The following HELZ2 variants were observed in gnomAD, a reference collection of about 807,000 sequenced individuals.
The protein encoded by HELZ2 is helicase with zinc finger 2, also known as 3'-5' exoribonuclease HELZ2.
A neutral mutation model predicts 208.8 loss-of-function variants in HELZ2; 143 were observed. That is an observed-to-expected ratio of 0.68 (90% CI 0.60 to 0.79). The LOEUF is 0.79. HELZ2 is among the 30% of genes least tolerant of loss of function. The pLI, the probability that HELZ2 is intolerant of heterozygous loss-of-function variation, is 0.00. For missense variants in HELZ2, 3,690 were observed against 3,794.5 expected (o/e 0.97, Z 0.72); for synonymous variants, 1,705 against 1,693.7 (o/e 1.01, Z -0.16).
At chr20:63,566,159 GCCAGTGCCCCAGGGCTGAGCAGGC>G in exon 8 of HELZ2, 1 of 1,553,964 alleles carries the variant, frequency 6.4e-7, no homozygotes, top group Non-Finnish European at 8.7e-7. Context: ...GAACTCAGGG[GCCAGTGCCCCAGGGCTGAGCAGGC>G]TCTGGCAGGT....
chr20:63,559,940 G>A (rs149494765), exon 18 of HELZ2: 13 of 1,610,426 alleles, frequency 8.1e-6, no homozygotes, highest in African/African-American at 5.3e-5. Flanking sequence ...ATCAGGCAGA[G>A]CCCCTCCTGG....
At chr20:63,560,414 ACACT>A (rs1010672259) in intron 16 of HELZ2, 61 bp downstream of exon 17, 1 of 1,593,882 alleles carries the variant, frequency 6.3e-7, no homozygotes, top group African/African-American at 1.3e-5. Flanking sequence ...CAAGCACCAG[ACACT>A]CACCACCTCA....
chr20:63,560,375 C>T, intron 16 of HELZ2, 48 bp from the exon 18 acceptor site: 1 of 1,489,758 alleles, frequency 6.7e-7, no homozygotes, highest in Non-Finnish European at 8.8e-7. Flanking sequence ...GTCTCTCCTG[C>T]CCTCCTCCAG....
chr20:63,569,381 G>C, exon 4 of HELZ2: 1 of 1,608,714 alleles, frequency 6.2e-7, no homozygotes, highest in South Asian at 1.1e-5. Flanking sequence ...CAGGGTGGCC[G>C]AGCGCCAGAT....
exon 8 of HELZ2, chr20:63,564,178 C>A: frequency 6.2e-7 from 1 of 1,611,582 alleles, no homozygotes; most frequent in Non-Finnish European, 8.5e-7. Context: ...GAGGCGTGAC[C>A]GTCCGCGTGC....
intron 5 of HELZ2, 184 bp from the exon 7 acceptor site, chr20:63,567,811 T>C: frequency 7.3e-7 from 1 of 1,369,760 alleles, no homozygotes; most frequent in South Asian, 1.5e-5. Context: ...CACGGAGGGC[T>C]TCAGGCAACA....
In HELZ2 at chr20:63,570,940, C is replaced by T. The variant is rs145119112; in HGVS notation, c.279-72G>A. The T allele has an allele frequency of 2.6e-3, 3,300 of 1,288,474 alleles. 75 individuals carry two copies. In the African/African-American group the frequency reaches 0.042, roughly 16 times the overall value. The allele number at this position is 1,288,474 out of a possible 1,614,324, so 79.8% of individuals were successfully genotyped here. ...GTGCTGAGTTCAAAGGCCGGGACCC[C>T]TCAGCCCAATACTGGCCTCTGTAGG... On this transcript the variant is annotated intron_variant, in intron 1 of 18. Transcript: ENST00000467148.
chr20:63,570,884 G>A lies in HELZ2; in HGVS notation c.279-16C>T, dbSNP rs751900666. The A allele has an allele frequency of 1.3e-6, 2 of 1,571,774 alleles. No homozygotes were observed. Among genetic ancestry groups the A allele is most frequent in the Non-Finnish European group, 1.7e-6 (2 of 1,154,520 alleles). On this transcript the variant is annotated splice_polypyrimidine_tract_variant and intron_variant, in intron 1 of 18. Transcript: ENST00000467148. ...GAGGTCAGGCCTGGGGGACAGGGAG[G>A]TCAGCAGGGCTACACAGAGGCACAG...
At chr20:63,570,546 C>G (rs979897710) in exon 3 of HELZ2, 1 of 1,613,516 alleles carries the variant, frequency 6.2e-7, no homozygotes, top group Non-Finnish European at 8.5e-7. Context: ...GGGTCTTCCT[C>G]TCCTGGGCCT....
chr20:63,566,918 C>T lies in HELZ2; in HGVS notation c.2440G>A (p.Ala814Thr), dbSNP rs199597835. Reference sequence around the variant, plus strand: ...CAGCAGCTGGGCCAGGTGTTGTAGGCCTCCTGCACCTTCTCGACGACCTGC... The same window carrying T: ...CAGCAGCTGGGCCAGGTGTTGTAGGTCTCCTGCACCTTCTCGACGACCTGC... The change falls in exon 6 of 19, where the codon GCC becomes ACC. Residue 814 changes from alanine (A) to threonine (T), a missense_variant. Ala to Thr is a moderately conservative substitution (Grantham distance 58). Transcript: ENST00000467148. 429 of 1,609,784 alleles carry T rather than the reference C, an allele frequency of 2.7e-4. No individual in the cohort carries two copies. Among genetic ancestry groups the T allele is most frequent in the Non-Finnish European group, 3.3e-4 (389 of 1,179,898 alleles).
rs202223375 is a variant in HELZ2, at chr20:63,569,048, G to A, written c.1089-49C>T. 2.8e-5 allele frequency: 44 copies of A among 1,595,448 alleles called. No homozygotes were observed. In the Admixed American group the frequency reaches 3.1e-4, roughly 11 times the overall value. On this transcript the variant is annotated intron_variant, in intron 4 of 18. Transcript: ENST00000467148. ...TCATGGGGCCACAGCTGCCAGCCCC[G>A]CTGCCAAGTCCACGCCCCCATCCGC...
Position 63,568,320 on chromosome 20 carries a change from C to A in HELZ2, c.1730+38G>T, listed in dbSNP as rs200018998. The A allele has an allele frequency of 2.7e-6, 4 of 1,487,108 alleles. No homozygotes were observed. In the Admixed American group the frequency reaches 6.9e-5, roughly 26 times the overall value. 92.1% of individuals were successfully genotyped at this position (1,487,108 alleles called of 1,614,324 possible). Reference sequence around the variant, plus strand: ...CTGCCCGGTGTAGACTTGGGCCGGGCGTCAGGTGAGGTGGGGGCAGGCCAG... The same window carrying A: ...CTGCCCGGTGTAGACTTGGGCCGGGAGTCAGGTGAGGTGGGGGCAGGCCAG... On this transcript the variant is annotated intron_variant, in intron 5 of 18. Transcript: ENST00000467148.
chr20:63,566,154 CAG>C lies in HELZ2; in HGVS notation c.2666_2667del (p.Pro889ArgfsTer45), dbSNP rs768894834. The C allele has an allele frequency of 6.4e-7, 1 of 1,557,786 alleles. No individual in the cohort carries two copies. Among genetic ancestry groups the C allele is most frequent in the Non-Finnish European group, 8.6e-7 (1 of 1,156,842 alleles). On this transcript the variant is annotated frameshift_variant, in exon 8 of 19. Coordinates refer to ENST00000467148, the Ensembl canonical transcript of HELZ2. LOFTEE classifies it high-confidence loss of function. ...AGCACGCGGGCGTCGGTGAAGAACTCAGGGGCCAGTGCCCCAGGGCTGAGCAG... is the reference window on the plus strand; with the variant it reads ...AGCACGCGGGCGTCGGTGAAGAACTCGGGCCAGTGCCCCAGGGCTGAGCAG...
In HELZ2 at chr20:63,562,215, C is replaced by T; in HGVS notation, c.6398-12G>A. The T allele has an allele frequency of 6.2e-7, 1 of 1,611,124 alleles. No homozygotes were observed. The highest frequency in any genetic ancestry group is 8.5e-7 in the Non-Finnish European group (1 of 1,179,334). On this transcript the variant is annotated splice_polypyrimidine_tract_variant and intron_variant, in intron 9 of 18. Transcript: ENST00000467148. ...CCTGCTGGGGATCACTGAGAGGGGG[C>T]AGCCTCCCTGAGCACTCATGCAGGG...
chr20:63,560,797 T>C (rs369047505), exon 15 of HELZ2: 4 of 1,611,270 alleles, frequency 2.5e-6, no homozygotes, highest in South Asian at 1.1e-5. Context: ...GGGCTCACCA[T>C]GCGGTACTGA....
intron 1 of HELZ2, 152 bp from the exon 3 acceptor site, chr20:63,571,020 C>A (rs2083011257): frequency 3.2e-6 from 2 of 619,324 alleles, no homozygotes; most frequent in Non-Finnish European, 5.5e-6. Flanking sequence ...CAAGGCCTGG[C>A]TCAAGCAGTT....
At chr20:63,566,807 G>A (rs750591539) in intron 6 of HELZ2, 37 bp downstream of exon 7, 1 of 1,540,082 alleles carries the variant, frequency 6.5e-7, no homozygotes, top group Non-Finnish European at 8.7e-7. Context: ...CCCAGCAGGG[G>A]TGCGGTCGGG....
At chr20:63,572,550 G>T, upstream of HELZ2, 2 of 702,524 alleles carry the variant, frequency 2.8e-6, no homozygotes, top group Non-Finnish European at 4.6e-6. Flanking sequence ...TGGGCCAGGA[G>T]GGAGGGGCAG....
Position 63,559,442 on chromosome 20 carries a change from C to G in HELZ2, c.7826-72G>C, listed in dbSNP as rs530778092. ...GGAGTCAGGGTCAGGTGGGAGGAGTCAGGGTCAGGTGGGAGTCAGTCAGGG... is the reference window on the plus strand; with the variant it reads ...GGAGTCAGGGTCAGGTGGGAGGAGTGAGGGTCAGGTGGGAGTCAGTCAGGG... On this transcript the variant is annotated intron_variant, in intron 18 of 18. Coordinates refer to ENST00000467148, the Ensembl canonical transcript of HELZ2. 48 of 1,284,954 alleles carry G rather than the reference C, an allele frequency of 3.7e-5. No homozygotes were observed. The African/African-American group carries it at 5.3e-4, about 14-fold the overall frequency. 79.6% of individuals were successfully genotyped at this position (1,284,954 alleles called of 1,614,324 possible).
Sources: gnomAD v4.1 joint callset for allele counts on GRCh38, gnomAD v4.1.1 for gene constraint, MANE v1.5 for transcripts, NCBI Gene and HGNC (gene_info 2026-07-23, HGNC 2026-07-21) for gene names.